The following LVRN variants were observed in gnomAD, a reference collection of about 807,000 sequenced individuals.
The protein encoded by LVRN is laeverin.
LVRN carries 99 observed loss-of-function variants against 111.4 expected under a neutral mutation model. That is an observed-to-expected ratio of 0.89 (90% CI 0.76 to 1.05). The LOEUF (loss-of-function observed/expected upper bound fraction) is 1.05, where lower values mean the gene tolerates loss of function less well. Among genes scored for constraint, LVRN ranks in the 50% least tolerant of loss-of-function variants. The probability of loss-of-function intolerance (pLI) is 0.00; values close to 1 mark genes in which losing one functional copy is unlikely to be tolerated. For synonymous variants in LVRN, 488 were observed against 449.5 expected (o/e 1.09, Z -1.08); for missense variants, 1,414 against 1,206.8 (o/e 1.17, Z -2.54).
intron 11 of LVRN, 39 bp from the exon 12 acceptor site, chr5:116,003,202 A>T (rs1306388760): frequency 6.6e-7 from 1 of 1,518,954 alleles, no homozygotes; most frequent in African/African-American, 1.4e-5. Context: ...GATCTTTTTT[A>T]AATGTACCAT....
intron 3 of LVRN, among the ~76,000 whole-genome samples, chr5:115,986,043 C>G (rs770064338): frequency 6.6e-6 from 1 of 152,318 alleles, no homozygotes; most frequent in East Asian, 1.9e-4. Flanking sequence ...CAACTCCTAA[C>G]CTAGTGATGA....
At chr5:116,018,641 C>T (rs541208955) in intron 18 of LVRN, among the ~76,000 whole-genome samples, 85 of 151,748 alleles carry the variant, frequency 5.6e-4, no homozygotes, top group Non-Finnish European at 9.6e-4. Flanking sequence ...CATTGCCCTC[C>T]AGCCTGGGTA....
intron 1 of LVRN, among the ~76,000 whole-genome samples, chr5:115,970,534 CA>C (rs1219066717): frequency 3.3e-5 from 5 of 152,046 alleles, no homozygotes; most frequent in Admixed American, 1.3e-4. Context: ...AGGCACGCGC[CA>C]CCACACCTGG....
intron 1 of LVRN, among the ~76,000 whole-genome samples, chr5:115,966,427 G>C (rs1170977735): frequency 6.6e-6 from 1 of 152,204 alleles, no homozygotes; most frequent in African/African-American, 2.4e-5. Context: ...ATGTATGAAA[G>C]TTTATTTAGT....
At chr5:116,018,778 GATTT>G (rs1196545810) in intron 18 of LVRN, among the ~76,000 whole-genome samples, 5 of 152,158 alleles carry the variant, frequency 3.3e-5, no homozygotes, top group Non-Finnish European at 4.4e-5. Context: ...CTTATGACGT[GATTT>G]ATTTATCTCA....
intron 18 of LVRN, 170 bp from the exon 19 acceptor site, chr5:116,022,221 A>G (rs1748744834): frequency 3.6e-6 from 2 of 548,426 alleles, no homozygotes; most frequent in Admixed American, 3.7e-5. Context: ...TAGTGTTAAT[A>G]GGATTCTCTA....
intron 18 of LVRN, chr5:116,020,141 GT>G (rs2112644149): frequency 6.6e-6 from 1 of 152,296 alleles, no homozygotes; most frequent in Non-Finnish European, 1.5e-5. Flanking sequence ...TCACTCTCAT[GT>G]ACAGGGCATT....
Position 115,972,954 on chromosome 5 carries a change from G to T in LVRN, c.695+9642G>T, listed in dbSNP as rs758692046. Among the ~76,000 whole-genome samples the T allele has an allele frequency of 9.5e-4, 144 of 150,984 alleles. 9 individuals are homozygous for T. The highest frequency in any genetic ancestry group is 2.5e-4 in the Non-Finnish European group (17 of 67,858). ...GCATTTTTTTTTTTTTCCAGACAGG[G>T]TCTCACTTCTGGTGCCCAGGCTGGA... On this transcript the variant is annotated intron_variant, in intron 1 of 19. Transcript: ENST00000357872.
At position 115,978,852 on chromosome 5, in the gene LVRN, C is replaced by G. The variant is rs60884834; in HGVS notation, c.696-4435C>G. 4.6e-3 allele frequency among the ~76,000 whole-genome samples: 705 copies of G among 152,230 alleles called. 8 individuals carry two copies. Among genetic ancestry groups the G allele is most frequent in the East Asian group, 0.015 (78 of 5,178 alleles). On this transcript the variant is annotated intron_variant, in intron 1 of 19. Transcript: ENST00000357872. ...CAGGGAGAGGTGACACATAGGACTT[C>G]TTACTTGAGCTGGCACTGTTGTCAT...
intron 19 of LVRN, 54 bp downstream of exon 19, chr5:116,022,520 T>A: frequency 8.1e-7 from 1 of 1,241,780 alleles, no homozygotes; most frequent in Non-Finnish European, 1.2e-6. Flanking sequence ...CCACTTTTTA[T>A]GCAATTTGGA....
chr5:115,975,354 A>G lies in LVRN; in HGVS notation c.696-7933A>G, dbSNP rs112511407. 11 of 260,008 alleles carry G rather than the reference A, an allele frequency of 4.2e-5. 1 individual carries two copies. The highest frequency in any genetic ancestry group is 2.5e-4 in the African/African-American group (11 of 43,300). 16.1% of individuals were successfully genotyped at this position (260,008 alleles called of 1,614,324 possible). A position where few individuals can be genotyped will look rare whatever the true frequency, so the allele number is the denominator to read the frequency against. ...TGGGAGTTGCCAATATGATATCAAC[A>G]CCTTTCCTAAGGTCTTCTATTTGTT... On this transcript the variant is annotated intron_variant, in intron 1 of 19. Coordinates refer to ENST00000357872, the MANE Select transcript of LVRN (RefSeq NM_173800.5).
At position 115,977,297 on chromosome 5, in the gene LVRN, C is replaced by T. The variant is rs528085761; in HGVS notation, c.696-5990C>T. On this transcript the variant is annotated intron_variant, in intron 1 of 19. Transcript: ENST00000357872. ...TGTCTCTTCAACTCAGTGAGACCAC[C>T]GAATTGTTTCAGTTTCCCTTTCCTG... 5.9e-5 allele frequency among the ~76,000 whole-genome samples: 9 copies of T among 152,234 alleles called. No homozygotes were observed. The East Asian group carries it at 9.7e-4, about 16-fold the overall frequency.
chr5:115,963,357 C>G, intron 1 of LVRN, 45 bp downstream of exon 1: 1 of 1,473,630 alleles, frequency 6.8e-7, no homozygotes, highest in Non-Finnish European at 9.1e-7. Context: ...CCCGCCCCTG[C>G]GTCCCGGTGC....
chr5:115,995,611 G>A (rs1748091378), intron 6 of LVRN: 1 of 152,196 alleles, frequency 6.6e-6, no homozygotes, highest in Non-Finnish European at 1.5e-5. Flanking sequence ...AGCTGTCTGG[G>A]TCTAGTCTGA....
chr5:115,976,735 A>G (rs1247026791), intron 1 of LVRN, among the ~76,000 whole-genome samples: 1 of 152,150 alleles, frequency 6.6e-6, no homozygotes, highest in Non-Finnish European at 1.5e-5. Flanking sequence ...CAAATGTTTC[A>G]GCATCTTCTC....
At chr5:116,015,816 T>C in intron 18 of LVRN, 51 bp downstream of exon 18, 1 of 1,597,998 alleles carries the variant, frequency 6.3e-7, no homozygotes, top group Non-Finnish European at 8.5e-7. Context: ...GGTTTGGCAC[T>C]GGAAGCTCAG....
At chr5:116,006,195 G>A (rs113352079) in intron 13 of LVRN, among the ~76,000 whole-genome samples, 1,535 of 152,166 alleles carry the variant, frequency 0.01, 32 homozygotes, top group African/African-American at 0.035. Flanking sequence ...CAAGGGTGAT[G>A]GCTATAATTT....
At chr5:116,015,811 G>A in intron 18 of LVRN, 46 bp downstream of exon 18, 1 of 1,599,938 alleles carries the variant, frequency 6.3e-7, no homozygotes, top group African/African-American at 1.3e-5. Flanking sequence ...CCACTGGTTT[G>A]GCACTGGAAG....
intron 18 of LVRN, chr5:116,021,468 T>C (rs1334382905): frequency 1.2e-5 from 2 of 173,016 alleles, no homozygotes; most frequent in African/African-American, 4.8e-5. Context: ...CAGAGTTATA[T>C]TGTCCTTCAC....
Sources: allele counts gnomAD v4.1 joint callset (sites outside exome capture counted in the v4.1 genomes callset), GRCh38; gene constraint gnomAD v4.1.1; transcripts MANE v1.5; gene names NCBI Gene and HGNC (gene_info 2026-07-23, HGNC 2026-07-21).